KIF26B: variants seen among roughly 807,000 people sequenced by gnomAD.
The protein encoded by KIF26B is kinesin family member 26B, also known as kinesin-like protein KIF26B.
In KIF26B, 63 loss-of-function variants were observed where a neutral mutation model predicts 151.2. The ratio of observed to expected loss-of-function variants is 0.42; its 90% CI spans 0.34 to 0.51. The LOEUF (loss-of-function observed/expected upper bound fraction) is 0.51, where lower values mean the gene tolerates loss of function less well. Ranked by LOEUF, KIF26B falls within the 20% of genes least tolerant of loss-of-function variation. The pLI, the probability that KIF26B is intolerant of heterozygous loss-of-function variation, is 0.07. For missense variants in KIF26B, 2,813 were observed against 2,913.6 expected (o/e 0.97, Z 0.79); for synonymous variants, 1,357 against 1,262.1 (o/e 1.08, Z -1.59).
intron 4 of KIF26B, among the ~76,000 whole-genome samples, chr1:245,447,475 C>T (rs961744435): frequency 6.6e-6 from 1 of 152,046 alleles, no homozygotes; most frequent in African/African-American, 2.4e-5. Flanking sequence ...AAGATGGAGC[C>T]TTTAGGAGGG....
At chr1:245,200,014 C>T (rs1669269962) in intron 2 of KIF26B, among the ~76,000 whole-genome samples, 1 of 152,222 alleles carries the variant, frequency 6.6e-6, no homozygotes, top group Admixed American at 6.5e-5. Flanking sequence ...GGAACATATC[C>T]TGTGTCTACA....
chr1:245,470,064 A>C (rs1659877435), intron 4 of KIF26B, among the ~76,000 whole-genome samples: 1 of 151,982 alleles, frequency 6.6e-6, no homozygotes, highest in Non-Finnish European at 1.5e-5. Context: ...GATTCAGACA[A>C]ACCTGAGTAA....
intron 2 of KIF26B, among the ~76,000 whole-genome samples, chr1:245,268,698 C>T (rs889767724): frequency 2.0e-5 from 3 of 151,886 alleles, no homozygotes; most frequent in East Asian, 1.9e-4. Context: ...TGAACCAGTC[C>T]GAGCCCCTCT....
intron 2 of KIF26B, among the ~76,000 whole-genome samples, chr1:245,183,646 G>A (rs2103528706): frequency 6.6e-6 from 1 of 152,310 alleles, no homozygotes; most frequent in East Asian, 1.9e-4. Context: ...TGGCACATGA[G>A]CAAGCTGGAG....
chr1:245,533,318 G>C (rs150280642), intron 4 of KIF26B, among the ~76,000 whole-genome samples: 1 of 152,240 alleles, frequency 6.6e-6, no homozygotes, highest in East Asian at 1.9e-4. Context: ...GACCCTTTCT[G>C]TTCAGCAGGT....
At chr1:245,415,336 C>G (rs571603990) in intron 3 of KIF26B, among the ~76,000 whole-genome samples, 4 of 152,230 alleles carry the variant, frequency 2.6e-5, no homozygotes, top group African/African-American at 4.8e-5. Context: ...TATTTTGTTT[C>G]TTTGATTAAT....
At position 245,549,034 on chromosome 1, in the gene KIF26B, G is replaced by A. The variant is rs1470612002; in HGVS notation, c.1350+8084G>A. On this transcript the variant is annotated intron_variant, in intron 5 of 14. Coordinates refer to ENST00000407071, the MANE Select transcript of KIF26B (RefSeq NM_018012.4). ...TTGGATTACAGGTGTGAGTCACAGC[G>A]CCCTGCCCCATTTTGCAACTTTTGA... Among the ~76,000 whole-genome samples, 4 of 152,104 alleles carry A rather than the reference G, an allele frequency of 2.6e-5. No individual in the cohort carries two copies. The East Asian group carries it at 5.8e-4, about 22-fold the overall frequency.
Position 245,688,392 on chromosome 1 carries a change from C to G in KIF26B, c.5409C>G (p.Ala1803=). The change falls in exon 12 of 15, where the codon GCC becomes GCG. Residue 1803 remains alanine, a synonymous_variant. Transcript: ENST00000407071. ...TGGCCTCCAAGCTTCCCCTGCGGGC[C>G]GTCAGCGGGCGCATCTCGGAGCTGC... ...SGLASKLPLR[A]VSGRISELLQ... is the part of the protein sequence containing the mutation. 5.9e-6 allele frequency: 9 copies of G among 1,515,206 alleles called. No individual in the cohort carries two copies. Among genetic ancestry groups the G allele is most frequent in the Non-Finnish European group, 7.9e-6 (9 of 1,138,728 alleles). The allele number at this position is 1,515,206 out of a possible 1,614,324, so 93.9% of individuals were successfully genotyped here. A position where few individuals can be genotyped will look rare whatever the true frequency, so the allele number is the denominator to read the frequency against.
intron 2 of KIF26B, among the ~76,000 whole-genome samples, chr1:245,242,144 G>T (rs1343653930): frequency 6.6e-6 from 1 of 152,202 alleles, no homozygotes; most frequent in African/African-American, 2.4e-5. Context: ...TAATCCCAGT[G>T]CTTTGGGAGG....
At chr1:245,658,464 A>G (rs921445846) in intron 10 of KIF26B, among the ~76,000 whole-genome samples, 1 of 152,210 alleles carries the variant, frequency 6.6e-6, no homozygotes, top group African/African-American at 2.4e-5. Context: ...AGTGACACCA[A>G]CAAGGCTCGC....
In KIF26B at chr1:245,703,562, A is replaced by T. The variant is rs2044802408; in HGVS notation, c.*956A>T. ...CCACACATGTGGTTCCTTGACCCAC[A>T]AATCCACAGTTTGCGTGGCCCTCAA... On this transcript the variant is annotated 3_prime_UTR_variant, in exon 15 of 15. Coordinates refer to ENST00000407071, the MANE Select transcript of KIF26B (RefSeq NM_018012.4). The T allele has an allele frequency of 6.6e-6, 1 of 152,226 alleles. No homozygotes were observed. Among genetic ancestry groups the T allele is most frequent in the Non-Finnish European group, 1.5e-5 (1 of 68,040 alleles). The allele number at this position is 152,226 out of a possible 1,614,324, so 9.4% of individuals were successfully genotyped here.
intron 2 of KIF26B, among the ~76,000 whole-genome samples, chr1:245,331,655 G>C (rs2102991616): frequency 6.6e-6 from 1 of 152,204 alleles, no homozygotes; most frequent in South Asian, 2.1e-4. Flanking sequence ...TGAGATTTTA[G>C]GTCAACAACT....
intron 2 of KIF26B, among the ~76,000 whole-genome samples, chr1:245,344,494 CAAAAAAA>C (rs57007301): frequency 9.2e-4 from 37 of 40,022 alleles, no homozygotes; most frequent in Non-Finnish European, 2.3e-3. Flanking sequence ...GACTCCGTCT[CAAAAAAA>C]AAAAAAAAAA....
chr1:245,645,300 C>T (rs558152387), intron 9 of KIF26B, among the ~76,000 whole-genome samples: 8 of 152,288 alleles, frequency 5.3e-5, no homozygotes, highest in East Asian at 3.9e-4. Flanking sequence ...ATTTGGAGGA[C>T]ACAAACATCC....
At chr1:245,526,777 C>T (rs1661243321) in intron 4 of KIF26B, among the ~76,000 whole-genome samples, 1 of 152,208 alleles carries the variant, frequency 6.6e-6, no homozygotes, top group Non-Finnish European at 1.5e-5. Flanking sequence ...TGGTTTGTTG[C>T]TTCAGGCAAC....
intron 3 of KIF26B, among the ~76,000 whole-genome samples, chr1:245,402,931 G>T (rs2103027867): frequency 6.6e-6 from 1 of 152,284 alleles, no homozygotes; most frequent in East Asian, 1.9e-4. Context: ...CATTTTGTAA[G>T]TCTGTACTGG....
At chr1:245,663,196 C>T (rs577067631) in intron 10 of KIF26B, among the ~76,000 whole-genome samples, 54 of 131,514 alleles carry the variant, frequency 4.1e-4, no homozygotes, top group African/African-American at 1.5e-3. Flanking sequence ...TAAGCTGGGG[C>T]ACTTACAAGG....
At chr1:245,393,063 C>T (rs1416726638) in intron 3 of KIF26B, among the ~76,000 whole-genome samples, 4 of 151,954 alleles carry the variant, frequency 2.6e-5, no homozygotes, top group South Asian at 2.1e-4. Context: ...CCTAGCTACT[C>T]GGGAGGCTGA....
At chr1:245,389,996 A>G (rs554336856) in intron 3 of KIF26B, among the ~76,000 whole-genome samples, 1 of 152,306 alleles carries the variant, frequency 6.6e-6, no homozygotes, top group East Asian at 1.9e-4. Flanking sequence ...ATGAGATCGA[A>G]ACTATTTTCA....
Sources: allele counts gnomAD v4.1 joint callset (sites outside exome capture counted in the v4.1 genomes callset), GRCh38; gene constraint gnomAD v4.1.1; transcripts MANE v1.5; gene names NCBI Gene and HGNC (gene_info 2026-07-23, HGNC 2026-07-21).